ACSM3: variants seen among roughly 807,000 people sequenced by gnomAD.
The protein encoded by ACSM3 is acyl-CoA synthetase medium chain family member 3.
Under a neutral mutation model 74.1 loss-of-function variants are expected in ACSM3, and 61 were observed. The ratio of observed to expected loss-of-function variants is 0.82; its 90% CI spans 0.67 to 1.02. The LOEUF (loss-of-function observed/expected upper bound fraction) is 1.02. ACSM3 is among the 50% of genes least tolerant of loss of function. The probability of loss-of-function intolerance (pLI) is 0.00; values close to 1 mark genes in which losing one functional copy is unlikely to be tolerated. For synonymous variants in ACSM3, 213 were observed against 241.5 expected, an observed-to-expected ratio of 0.88 and a Z score of 1.09; for missense variants, 660 against 697.0, an observed-to-expected ratio of 0.95 and a Z score of 0.60.
At chr16:20,675,256 G>C (rs528391780) in intron 1 of ACSM3, among the ~76,000 whole-genome samples, 1 of 152,302 alleles carries the variant, frequency 6.6e-6, no homozygotes, top group South Asian at 2.1e-4. Context: ...TGAGGCAAGG[G>C]AGGTGTGTGA....
At chr16:20,727,358 G>T in intron 1 of ACSM3, 1 of 588,420 alleles carries the variant, frequency 1.7e-6, no homozygotes, top group Non-Finnish European at 3.2e-6. Context: ...AATTCAAGAG[G>T]CTGCGGCACT....
intron 1 of ACSM3, among the ~76,000 whole-genome samples, chr16:20,694,005 G>C (rs1456033608): frequency 6.6e-6 from 1 of 152,174 alleles, no homozygotes; most frequent in Admixed American, 6.5e-5. Context: ...TATGTTCTTA[G>C]CTCCCACAAT....
intron 12 of ACSM3, chr16:20,792,707 G>A: frequency 1.0e-6 from 1 of 985,372 alleles, no homozygotes; most frequent in Non-Finnish European, 1.2e-6. Context: ...CGAGGTCCCT[G>A]GTGTAGTGAA....
intron 1 of ACSM3, chr16:20,732,876 A>C (rs1304862915): frequency 3.8e-5 from 6 of 157,936 alleles, no homozygotes; most frequent in African/African-American, 1.4e-4. Flanking sequence ...AAACGGAATC[A>C]AATGTCTCAT....
chr16:20,781,098 T>C lies in ACSM3; in HGVS notation c.907T>C (p.Leu303=), dbSNP rs1374968735. The C allele has an allele frequency of 1.4e-5, 22 of 1,613,980 alleles. No homozygotes were observed. The highest frequency in any genetic ancestry group is 4.0e-5 in the African/African-American group (3 of 74,928). ...IQGACVFTHH[L]PRFEPTSILQ... ...GGGAGCATGTGTATTCACACACCAT[T>C]TACCCCGTTTTGAGCCGACTTCTAT... Residue 303 remains leucine (L), a synonymous_variant, in exon 6 of 14, where the codon TTA becomes CTA. Transcript: ENST00000289416.
intron 1 of ACSM3, among the ~76,000 whole-genome samples, chr16:20,739,261 C>T (rs546592741): frequency 2.0e-5 from 3 of 151,982 alleles, no homozygotes; most frequent in East Asian, 2.0e-4. Context: ...CTGCAACCTC[C>T]GCCTCCTGGG....
At chr16:20,748,140 AAAAT>A (rs71149181) in intron 1 of ACSM3, among the ~76,000 whole-genome samples, 91,854 of 150,734 alleles carry the variant, frequency 0.61, 29,304 homozygotes, top group Non-Finnish European at 0.72. Context: ...CATGTCTCAA[AAAAT>A]AAATAAATAA....
intron 1 of ACSM3, chr16:20,703,778 T>G (rs376168283): frequency 2.0e-5 from 3 of 152,254 alleles, no homozygotes; most frequent in Middle Eastern, 3.1e-3. Flanking sequence ...TGCCTTGGCC[T>G]ACCAAAGTGC....
chr16:20,793,183 G>C (rs1374767069), intron 12 of ACSM3, among the ~76,000 whole-genome samples: 1 of 152,080 alleles, frequency 6.6e-6, no homozygotes, highest in Non-Finnish European at 1.5e-5. Context: ...TGAAGTTTAA[G>C]GCAGGCCAGG....
intron 9 of ACSM3, among the ~76,000 whole-genome samples, chr16:20,787,649 T>C (rs1184065693): frequency 6.6e-6 from 1 of 152,242 alleles, no homozygotes; most frequent in African/African-American, 2.4e-5. Context: ...GCTGTAACTC[T>C]TTATAGAATA....
At chr16:20,795,808 C>G (rs1347379497) in intron 12 of ACSM3, among the ~76,000 whole-genome samples, 2 of 152,284 alleles carry the variant, frequency 1.3e-5, no homozygotes, top group African/African-American at 4.8e-5. Context: ...TTAAAGGGGG[C>G]TATGAGGGAT....
At chr16:20,685,858 T>C (rs959221868) in intron 1 of ACSM3, among the ~76,000 whole-genome samples, 10 of 141,126 alleles carry the variant, frequency 7.1e-5, no homozygotes, top group South Asian at 2.3e-4. Context: ...AAAAAACTTA[T>C]AGCATCAGGA....
Position 20,780,960 on chromosome 16 carries a change from C to G in ACSM3, c.783-14C>G. The G allele has an allele frequency of 6.2e-7, 1 of 1,614,048 alleles. No individual in the cohort carries two copies. Among genetic ancestry groups the G allele is most frequent in the Non-Finnish European group, 8.5e-7 (1 of 1,179,970 alleles). On this transcript the variant is annotated splice_polypyrimidine_tract_variant and intron_variant, in intron 5 of 13. Coordinates refer to ENST00000289416, the MANE Select transcript of ACSM3 (RefSeq NM_005622.4). ...TTTTCCTATGTACATCAGGGCTACT[C>G]TTTGTTTTCCCAGGTTCTGGCTAGA...
At chr16:20,741,491 C>A in intron 1 of ACSM3, 2 of 255,794 alleles carry the variant, frequency 7.8e-6, no homozygotes. Flanking sequence ...GCCCGCCCGC[C>A]CACCCCGGGA....
At chr16:20,722,244 G>A (rs376494155) in intron 1 of ACSM3, 3 of 152,168 alleles carry the variant, frequency 2.0e-5, no homozygotes, top group Middle Eastern at 3.2e-3. Context: ...TAAGATTAAG[G>A]GGACTAGGGC....
chr16:20,780,413 C>A, intron 4 of ACSM3: 1 of 543,566 alleles, frequency 1.8e-6, no homozygotes, highest in Non-Finnish European at 3.2e-6. Flanking sequence ...CCTTACTCTG[C>A]TGGAGGTATG....
intron 4 of ACSM3, 35 bp downstream of exon 4, chr16:20,777,615 A>G (rs1219229619): frequency 6.4e-7 from 1 of 1,558,814 alleles, no homozygotes; most frequent in African/African-American, 1.4e-5. Flanking sequence ...ACAGCTTCCC[A>G]AAAGGAAAGG....
intron 1 of ACSM3, chr16:20,734,603 A>T (rs1386866270): frequency 6.6e-6 from 1 of 152,178 alleles, no homozygotes; most frequent in Non-Finnish European, 1.5e-5. Flanking sequence ...TTAAAACTTA[A>T]GGATAAGTCC....
chr16:20,774,268 C>T (rs865894912), intron 2 of ACSM3, among the ~76,000 whole-genome samples: 60 of 130,192 alleles, frequency 4.6e-4, no homozygotes, highest in Middle Eastern at 0.011. Flanking sequence ...TTTGAGACAG[C>T]GTCTCACTCT....
Sources: allele counts gnomAD v4.1 joint callset (sites outside exome capture counted in the v4.1 genomes callset), GRCh38; gene constraint gnomAD v4.1.1; transcripts MANE v1.5; gene names NCBI Gene and HGNC (gene_info 2026-07-23, HGNC 2026-07-21).